The following HEMK2 variants were observed in gnomAD, a reference collection of about 807,000 sequenced individuals.
The protein encoded by HEMK2 is methyltransferase HEMK2.
chr21:28,615,220 C>G, the HEMK2 span, among the ~76,000 whole-genome samples: 9 of 152,142 alleles, frequency 5.9e-5, no homozygotes, highest in South Asian at 8.3e-4. Context: ...AGCAGGAAGA[C>G]GCAGGGAGTA....
chr21:28,721,605 A>G, the HEMK2 span, among the ~76,000 whole-genome samples: 1 of 151,974 alleles, frequency 6.6e-6, no homozygotes, highest in Admixed American at 6.6e-5. Context: ...AATTGGGAGG[A>G]TTTATAGTAA....
chr21:28,604,728 AT>A, the HEMK2 span, among the ~76,000 whole-genome samples: 6 of 152,200 alleles, frequency 3.9e-5, no homozygotes, highest in African/African-American at 1.4e-4. Flanking sequence ...CAGTGTCTCT[AT>A]TGTCAAAGCT....
the HEMK2 span, among the ~76,000 whole-genome samples, chr21:28,706,102 TACCAC>T: frequency 6.6e-6 from 1 of 152,236 alleles, no homozygotes; most frequent in Non-Finnish European, 1.5e-5. Context: ...TTATTCTACC[TACCAC>T]ACCACCTATC....
chr21:28,775,942 T>C, the HEMK2 span, among the ~76,000 whole-genome samples: 5 of 151,450 alleles, frequency 3.3e-5, no homozygotes, highest in African/African-American at 1.2e-4. Context: ...AAGGATTCAG[T>C]AGAGTGGTGG....
chr21:28,877,932 T>G, the HEMK2 span, among the ~76,000 whole-genome samples: 1 of 152,036 alleles, frequency 6.6e-6, no homozygotes, highest in Non-Finnish European at 1.5e-5. Context: ...GAAAAAAACA[T>G]TAGAGATTTT....
the HEMK2 span, among the ~76,000 whole-genome samples, chr21:28,808,194 A>G: frequency 6.6e-6 from 1 of 152,066 alleles, no homozygotes; most frequent in African/African-American, 2.4e-5. Context: ...ATCTCAACAA[A>G]AACTCCCATG....
the HEMK2 span, among the ~76,000 whole-genome samples, chr21:28,816,481 G>C: frequency 6.6e-6 from 1 of 152,190 alleles, no homozygotes; most frequent in South Asian, 2.1e-4. Flanking sequence ...AGCAGCCTGG[G>C]CCACAAAGCA....
the HEMK2 span, among the ~76,000 whole-genome samples, chr21:28,707,612 A>G: frequency 6.6e-6 from 1 of 152,144 alleles, no homozygotes; most frequent in Non-Finnish European, 1.5e-5. Context: ...GACTCACCAG[A>G]GAATTGCCTG....
At chr21:28,687,168 T>C in the HEMK2 span, among the ~76,000 whole-genome samples, 1 of 152,222 alleles carries the variant, frequency 6.6e-6, no homozygotes, top group Non-Finnish European at 1.5e-5. Context: ...ATAAAGTTAA[T>C]GCCTTAGCTA....
At chr21:28,746,334 T>C in the HEMK2 span, among the ~76,000 whole-genome samples, 37,250 of 151,954 alleles carry the variant, frequency 0.25, 5,540 homozygotes, top group African/African-American at 0.41. Flanking sequence ...AGTATGTTCC[T>C]TGCCCGTGGG....
the HEMK2 span, among the ~76,000 whole-genome samples, chr21:28,583,304 T>G: frequency 6.6e-6 from 1 of 152,192 alleles, no homozygotes; most frequent in Non-Finnish European, 1.5e-5. Context: ...TAACGGAGTT[T>G]CTTCCAATAG....
chr21:28,592,573 G>A, the HEMK2 span, among the ~76,000 whole-genome samples: 5 of 152,358 alleles, frequency 3.3e-5, no homozygotes, highest in African/African-American at 1.2e-4. Flanking sequence ...TCATTCTTAA[G>A]GAGGCAGACG....
At chr21:28,670,156 A>G in the HEMK2 span, among the ~76,000 whole-genome samples, 2 of 152,126 alleles carry the variant, frequency 1.3e-5, no homozygotes, top group East Asian at 3.8e-4. Flanking sequence ...ATACTCTGCA[A>G]TGGAAGCATG....
At chr21:28,843,308 T>C in the HEMK2 span, among the ~76,000 whole-genome samples, 24 of 152,206 alleles carry the variant, frequency 1.6e-4, no homozygotes, top group South Asian at 3.9e-3. Context: ...CTTACAATCA[T>C]GGCAAAGGCG....
At chr21:28,831,730 G>GAAAGAAAGAAA in the HEMK2 span, among the ~76,000 whole-genome samples, 45 of 31,242 alleles carry the variant, frequency 1.4e-3, 1 homozygote, top group Admixed American at 1.9e-3. Flanking sequence ...AAGGAAGGAA[G>GAAAGAAAGAAA]GAAGGAAAGA....
the HEMK2 span, among the ~76,000 whole-genome samples, chr21:28,879,467 C>T: frequency 1.2e-4 from 18 of 152,342 alleles, no homozygotes; most frequent in Non-Finnish European, 2.2e-4. Flanking sequence ...GTCTTGAACC[C>T]TTGACCTCAG....
the HEMK2 span, among the ~76,000 whole-genome samples, chr21:28,728,940 G>T: frequency 1.3e-5 from 2 of 152,178 alleles, no homozygotes; most frequent in Non-Finnish European, 2.9e-5. Flanking sequence ...GTGACTCCTG[G>T]TGAGGGGCTA....
chr21:28,804,862 A>C, the HEMK2 span, among the ~76,000 whole-genome samples: 1 of 152,216 alleles, frequency 6.6e-6, no homozygotes, highest in East Asian at 1.9e-4. Context: ...ATTACACTAC[A>C]TACCCTATTC....
chr21:28,600,692 C>A, the HEMK2 span, among the ~76,000 whole-genome samples: 2 of 152,164 alleles, frequency 1.3e-5, no homozygotes, highest in African/African-American at 4.8e-5. Context: ...TGTCAGGCTG[C>A]AAATTTTCTG....
Sources: allele counts gnomAD v4.1 joint callset (sites outside exome capture counted in the v4.1 genomes callset), GRCh38; gene constraint gnomAD v4.1.1; transcripts MANE v1.5; gene names NCBI Gene and HGNC (gene_info 2026-07-23, HGNC 2026-07-21).